The following TMBIM6 variants were observed in gnomAD, a reference collection of about 807,000 sequenced individuals.
TMBIM6 encodes bax inhibitor 1.
A neutral mutation model predicts 31.4 loss-of-function variants in TMBIM6; 13 were observed. The ratio of observed to expected loss-of-function variants is 0.41; its 90% confidence interval spans 0.27 to 0.66. TMBIM6 has a LOEUF of 0.66. Ranked by LOEUF, TMBIM6 falls within the 30% of genes least tolerant of loss-of-function variation. The pLI is 0.28. For synonymous variants in TMBIM6, 85 were observed against 101.7 expected (o/e 0.84, Z 0.99); for missense variants, 275 against 289.5 (o/e 0.95, Z 0.36).
intron 1 of TMBIM6, among the ~76,000 whole-genome samples, chr12:49,743,046 G>A (rs1457387749): frequency 7.0e-6 from 1 of 141,854 alleles, no homozygotes; most frequent in African/African-American, 2.6e-5. Context: ...GTGCAGTGGC[G>A]CAGTCATGGC....
chr12:49,753,807 A>G lies in TMBIM6; in HGVS notation c.165+726A>G, dbSNP rs553555020. Among the ~76,000 whole-genome samples the G allele has an allele frequency of 1.1e-4, 17 of 152,338 alleles. 1 individual carries two copies. The highest frequency in any genetic ancestry group is 7.8e-4 in the Admixed American group (12 of 15,306). On this transcript the variant is annotated intron_variant, in intron 3 of 9. Coordinates refer to ENST00000267115, the MANE Select transcript of TMBIM6 (RefSeq NM_003217.3). ...GCTTTGATCGCTTGAGTTTTAGGCAAGGTTAGCCCTTAAATAATTTAGTAA... is the reference window on the plus strand; with the variant it reads ...GCTTTGATCGCTTGAGTTTTAGGCAGGGTTAGCCCTTAAATAATTTAGTAA...
At chr12:49,749,434 C>CTTTTTTTTTTTTT (rs1565918072) in intron 1 of TMBIM6, among the ~76,000 whole-genome samples, 8 of 121,718 alleles carry the variant, frequency 6.6e-5, no homozygotes, top group African/African-American at 3.2e-4. Flanking sequence ...TTTTGTAAGT[C>CTTTTTTTTTTTTT]ATTTTTGTTT....
intron 3 of TMBIM6, among the ~76,000 whole-genome samples, chr12:49,755,176 C>G (rs1393314872): frequency 6.6e-6 from 1 of 151,744 alleles, no homozygotes; most frequent in African/African-American, 2.4e-5. Flanking sequence ...AGGCTGGTCT[C>G]GAACTCCTGA....
At chr12:49,758,346 C>G in intron 5 of TMBIM6, 37 bp from the exon 6 acceptor site, 4 of 1,613,550 alleles carry the variant, frequency 2.5e-6, no homozygotes, top group Non-Finnish European at 3.4e-6. Context: ...GACCGTATAC[C>G]TGTAGCCCTT....
intron 3 of TMBIM6, among the ~76,000 whole-genome samples, chr12:49,755,389 G>A (rs1414407820): frequency 6.6e-6 from 1 of 152,098 alleles, no homozygotes; most frequent in Non-Finnish European, 1.5e-5. Flanking sequence ...TAGTTGTACT[G>A]TAGTTGAAGG....
At position 49,749,163 on chromosome 12, in the gene TMBIM6, C is replaced by T. The variant is rs187546021; in HGVS notation, c.-30-3301C>T. Among the ~76,000 whole-genome samples, 11 of 152,318 alleles carry T rather than the reference C, an allele frequency of 7.2e-5. No individual in the cohort carries two copies. The South Asian group carries it at 8.3e-4, about 11-fold the overall frequency. On this transcript the variant is annotated intron_variant, in intron 1 of 9. Transcript: ENST00000267115. ...AACTTGGTAAGTTTATTTTATCTGG[C>T]AAAACTTGTCAGAACAGTTTGATCT...
At chr12:49,749,918 T>G (rs1945464962) in intron 1 of TMBIM6, 1 of 152,198 alleles carries the variant, frequency 6.6e-6, no homozygotes, top group Non-Finnish European at 1.5e-5. Flanking sequence ...CTAATAAAAT[T>G]GCTGTGCCCT....
chr12:49,760,322 C>G (rs1945691912), intron 8 of TMBIM6, among the ~76,000 whole-genome samples: 1 of 152,170 alleles, frequency 6.6e-6, no homozygotes, highest in South Asian at 2.1e-4. Context: ...ATGAACACAG[C>G]TCGCTGCAGC....
intron 1 of TMBIM6, among the ~76,000 whole-genome samples, chr12:49,748,939 A>G (rs1044032672): frequency 6.6e-6 from 1 of 152,194 alleles, no homozygotes; most frequent in Non-Finnish European, 1.5e-5. Flanking sequence ...CTGGAATGTT[A>G]GCGAGTTACT....
intron 8 of TMBIM6, among the ~76,000 whole-genome samples, chr12:49,760,533 CTTTTTTTTT>C (rs35862867): frequency 3.2e-5 from 3 of 93,526 alleles, no homozygotes; most frequent in African/African-American, 1.2e-4. Flanking sequence ...TGCCCAGCCA[CTTTTTTTTT>C]TTTTTTTTTT....
chr12:49,742,369 C>T, intron 1 of TMBIM6: 1 of 1,463,890 alleles, frequency 6.8e-7, no homozygotes, highest in Non-Finnish European at 9.1e-7. Context: ...CAGTTTTTAT[C>T]TTGGGCCTAC....
intron 3 of TMBIM6, among the ~76,000 whole-genome samples, 175 bp downstream of exon 3, chr12:49,753,256 G>C (rs962060335): frequency 2.0e-5 from 3 of 152,168 alleles, no homozygotes; most frequent in African/African-American, 7.2e-5. Flanking sequence ...TCTGGCAACT[G>C]TGCCCCCTCT....
At chr12:49,746,810 T>TAA (rs1175031804) in intron 1 of TMBIM6, among the ~76,000 whole-genome samples, 89 of 152,244 alleles carry the variant, frequency 5.8e-4, no homozygotes, top group African/African-American at 2.0e-3. Context: ...TACTGACAAA[T>TAA]TACTAACAGT....
At chr12:49,759,055 G>A in intron 7 of TMBIM6, 166 bp from the exon 8 acceptor site, 1 of 649,772 alleles carries the variant, frequency 1.5e-6, no homozygotes, top group South Asian at 1.9e-5. Context: ...ATTGTGCCTA[G>A]GGAAGTAAAG....
In TMBIM6 at chr12:49,758,279, A is replaced by G. The variant is rs1320049861; in HGVS notation, c.335+4A>G. 3.7e-6 allele frequency: 6 copies of G among 1,613,938 alleles called. No homozygotes were observed. The East Asian group carries it at 1.1e-4, about 30-fold the overall frequency. On this transcript the variant is annotated splice_donor_region_variant and intron_variant, in intron 5 of 9. Coordinates refer to ENST00000267115, the MANE Select transcript of TMBIM6 (RefSeq NM_003217.3). Reference sequence around the variant, plus strand: ...TTTGTATTGCTGTCAACCCCAGGTAACTCTTTTGGTAGTGTCTTATGTGCT... The same window carrying G: ...TTTGTATTGCTGTCAACCCCAGGTAGCTCTTTTGGTAGTGTCTTATGTGCT...
chr12:49,761,274 A>G (rs772894403), intron 8 of TMBIM6, among the ~76,000 whole-genome samples: 1 of 151,760 alleles, frequency 6.6e-6, no homozygotes, highest in Non-Finnish European at 1.5e-5. Flanking sequence ...GGAGAGTGGC[A>G]CTGTCATGGC....
intron 1 of TMBIM6, chr12:49,749,971 T>G (rs546183923): frequency 1.3e-5 from 2 of 152,332 alleles, no homozygotes; most frequent in South Asian, 4.1e-4. Flanking sequence ...TTGTTTTAAA[T>G]TTTGAAATAC....
chr12:49,742,335 C>G (rs1237822358), intron 1 of TMBIM6: 1 of 1,518,174 alleles, frequency 6.6e-7, no homozygotes, highest in African/African-American at 1.4e-5. Flanking sequence ...CTTTCTAAGT[C>G]TGCTCAGCAA....
chr12:49,752,665 C>T, intron 2 of TMBIM6, 116 bp downstream of exon 2: 1 of 877,196 alleles, frequency 1.1e-6, no homozygotes. Context: ...TGGCCAGAAT[C>T]CAGAGGACCT....
Sources: gnomAD v4.1 joint callset for allele counts (sites outside exome capture counted in the v4.1 genomes callset) on GRCh38, gnomAD v4.1.1 for gene constraint, MANE v1.5 for transcripts, NCBI Gene and HGNC (gene_info 2026-07-23, HGNC 2026-07-21) for gene names.